KDM5D: variants seen among roughly 807,000 people sequenced by gnomAD.
KDM5D encodes lysine demethylase 5D, also known as lysine-specific demethylase 5D.
A neutral mutation model predicts 31.9 loss-of-function variants in KDM5D; 25 were observed. That is an observed-to-expected ratio of 0.78 (90% CI 0.57 to 1.09). The LOEUF (loss-of-function observed/expected upper bound fraction) is 1.09, where lower values mean the gene tolerates loss of function less well. KDM5D is among the 50% of genes least tolerant of loss of function. KDM5D has a pLI of 0.00. For synonymous variants in KDM5D, 146 were observed against 122.3 expected, an observed-to-expected ratio of 1.19 and a Z score of -1.28; for missense variants, 366 against 341.6, an observed-to-expected ratio of 1.07 and a Z score of -0.56.
chrY:19,719,225 A>G (rs757611663), intron 13 of KDM5D, among the ~76,000 whole-genome samples: 1 of 33,837 alleles, frequency 3.0e-5, no homozygotes, highest in East Asian at 7.7e-4. Flanking sequence ...AAGCTCTCAG[A>G]TAGCCCAGGC....
chrY:19,710,395 T>C lies in KDM5D; in HGVS notation c.2564A>G (p.His855Arg). ...CCTTACCTTGACATCCCCAATCTGA[T>C]GCATGGCACAGGGCAGGCTGCCCAT... ...EQMGSLPCAM[H>R]QIGDVKDVLE... is the part of the protein sequence containing the mutation. Residue 855 changes from histidine (H) to arginine (R), a missense_variant, in exon 19 of 27, where the codon CAT (histidine) becomes CGT (arginine). Coordinates refer to ENST00000317961, the MANE Select transcript of KDM5D (RefSeq NM_004653.5). 1 of 389,421 alleles carries C rather than the reference T, an allele frequency of 2.6e-6. No homozygotes were observed. Among genetic ancestry groups the C allele is most frequent in the South Asian group, 3.1e-5 (1 of 31,970 alleles).
chrY:19,720,127 T>C (rs1198124849), intron 13 of KDM5D, among the ~76,000 whole-genome samples: 1 of 32,548 alleles, frequency 3.1e-5, no homozygotes, highest in Admixed American at 2.8e-4. Flanking sequence ...AAAAAAAATA[T>C]AGTTAGTTCA....
intron 6 of KDM5D, among the ~76,000 whole-genome samples, chrY:19,737,718 A>C: frequency 3.0e-5 from 1 of 33,737 alleles, no homozygotes; most frequent in Non-Finnish European, 7.3e-5. Flanking sequence ...TAAAATAGAA[A>C]AGATGTGTTA....
intron 6 of KDM5D, among the ~76,000 whole-genome samples, chrY:19,738,646 T>C: frequency 2.9e-5 from 1 of 34,111 alleles, no homozygotes; most frequent in African/African-American, 1.1e-4. Flanking sequence ...TATGACAGAT[T>C]GTCCTCCCAG....
In KDM5D at chrY:19,744,394, G is replaced by C; in HGVS notation, c.141C>G (p.Arg47=). 3.6e-5 allele frequency: 14 copies of C among 389,596 alleles called. No homozygotes were observed. Among genetic ancestry groups the C allele is most frequent in the Non-Finnish European group, 5.0e-5 (14 of 278,304 alleles). Residue 47 remains arginine, a synonymous_variant, in exon 2 of 27, where the codon CGC becomes CGG. Coordinates refer to ENST00000317961, the MANE Select transcript of KDM5D (RefSeq NM_004653.5). ...IAEKSGICKI[R]PPADWQPPFA... ...TGTTTCAAAGACTTACCGCGGGTGG[G>C]CGGATTTTGCAGATGCCAGACTTCT...
Position 19,708,325 on chromosome Y carries a change from C to T in KDM5D, c.3180G>A (p.Leu1060=). 2.5e-6 allele frequency: 1 copy of T among 395,600 alleles called. No homozygotes were observed. Among genetic ancestry groups the T allele is most frequent in the East Asian group, 9.2e-5 (1 of 10,813 alleles). Residue 1060 remains leucine (L), a synonymous_variant, in exon 22 of 27, where the codon CTG becomes CTA. Transcript: ENST00000317961. ...VGLEELRQLE[L]QVLTAHSWRE... ...TCCAGGAATGTGCTGTCAATACCTG[C>T]AGCTCTAGCTGTCTCAGCTCTTCCA...
In KDM5D at chrY:19,706,190, C is replaced by T; in HGVS notation, c.4425G>A (p.Gln1475=). 2.5e-6 allele frequency: 1 copy of T among 392,301 alleles called. No homozygotes were observed. Among genetic ancestry groups the T allele is most frequent in the Non-Finnish European group, 3.6e-6 (1 of 281,094 alleles). ...KRARSSGIMS[Q]VGREEEHYQE... ...GATAATGTTCTTCTTCTCGGCCCAC[C>T]TGAGACATAATCCCTGAGCTCCGAG... is the stretch of plus-strand genomic sequence containing the variant. The change falls in exon 27 of 27, where the codon CAG becomes CAA. Residue 1475 remains glutamine (Q), a synonymous_variant. Coordinates refer to ENST00000317961, the MANE Select transcript of KDM5D (RefSeq NM_004653.5).
intron 11 of KDM5D, among the ~76,000 whole-genome samples, chrY:19,727,352 T>C (rs2045441941): frequency 3.0e-5 from 1 of 33,533 alleles, no homozygotes; most frequent in Non-Finnish European, 7.4e-5. Context: ...CTCCTAAGAG[T>C]TCTTATCTAT....
intron 20 of KDM5D, among the ~76,000 whole-genome samples, 175 bp from the exon 21 acceptor site, chrY:19,709,188 T>C: frequency 2.9e-5 from 1 of 33,935 alleles, no homozygotes; most frequent in Non-Finnish European, 7.3e-5. Context: ...TATAGATCTC[T>C]TGTAAGTCAC....
chrY:19,727,448 G>T, intron 11 of KDM5D, among the ~76,000 whole-genome samples: 1 of 33,240 alleles, frequency 3.0e-5, no homozygotes, highest in South Asian at 6.6e-4. Context: ...ATTTTTTATC[G>T]TCTTAAGGGA....
At chrY:19,737,118 A>G in intron 6 of KDM5D, among the ~76,000 whole-genome samples, 1 of 33,815 alleles carries the variant, frequency 3.0e-5, no homozygotes, top group African/African-American at 1.2e-4. Flanking sequence ...CCATCTCACC[A>G]TTACTGAATC....
intron 6 of KDM5D, among the ~76,000 whole-genome samples, chrY:19,737,624 AT>A (rs2045519392): frequency 6.0e-5 from 2 of 33,503 alleles, no homozygotes; most frequent in African/African-American, 1.2e-4. Context: ...AAGAGCTGGT[AT>A]TTGCTTGTTT....
intron 3 of KDM5D, among the ~76,000 whole-genome samples, 182 bp downstream of exon 3, chrY:19,742,980 T>C: frequency 2.9e-5 from 1 of 34,092 alleles, no homozygotes; most frequent in East Asian, 7.5e-4. Context: ...ACCATTTTTG[T>C]GGACATAAAT....
intron 11 of KDM5D, chrY:19,721,825 AT>A (rs2045397523): frequency 2.9e-5 from 1 of 34,463 alleles, no homozygotes; most frequent in Admixed American, 2.6e-4. Flanking sequence ...AGGTAAAAAA[AT>A]AACTACACTG....
In KDM5D at chrY:19,706,319, A is replaced by G; in HGVS notation, c.4296T>C (p.Ser1432=). The G allele has an allele frequency of 2.6e-6, 1 of 391,033 alleles. No individual in the cohort carries two copies. Among genetic ancestry groups the G allele is most frequent in the Non-Finnish European group, 3.6e-6 (1 of 279,890 alleles). ...TCTCCAGAGCCCGGCTCCTTGTCCGACTCCCTTGATGTTCAAATTTTTCCA... is the reference window on the plus strand; with the variant it reads ...TCTCCAGAGCCCGGCTCCTTGTCCGGCTCCCTTGATGTTCAAATTTTTCCA... ...LELEKFEHQG[S]RTRSRALERR... is the part of the protein sequence containing the mutation. The change falls in exon 27 of 27, where the codon AGT becomes AGC. Residue 1432 remains serine, a synonymous_variant. Coordinates refer to ENST00000317961, the MANE Select transcript of KDM5D (RefSeq NM_004653.5).
intron 5 of KDM5D, among the ~76,000 whole-genome samples, chrY:19,740,619 C>T (rs796816294): frequency 3.0e-5 from 1 of 33,755 alleles, no homozygotes; most frequent in East Asian, 7.7e-4. Flanking sequence ...CTGAGTTAAA[C>T]CCAAGTCACA....
At chrY:19,710,170 A>G in intron 19 of KDM5D, 1 of 367,103 alleles carries the variant, frequency 2.7e-6, no homozygotes, top group Non-Finnish European at 3.8e-6. Context: ...TAGAGTTTTT[A>G]ATTATTTCAG....
At position 19,704,744 on chromosome Y, in the gene KDM5D, C is replaced by T. The variant is rs2045217952; in HGVS notation, c.*1251G>A. The T allele has an allele frequency of 1.5e-4, 5 of 33,177 alleles. No homozygotes were observed. Among genetic ancestry groups the T allele is most frequent in the Admixed American group, 1.4e-3 (5 of 3,675 alleles). 8.3% of individuals were successfully genotyped at this position (33,177 alleles called of 400,897 possible). ...TATAATACAGTCTGTATTATTAGAT[C>T]ACCCAGAGACACACAAAACAAGAAC... is the stretch of plus-strand genomic sequence containing the variant. On this transcript the variant is annotated 3_prime_UTR_variant, in exon 27 of 27. Coordinates refer to ENST00000317961, the MANE Select transcript of KDM5D (RefSeq NM_004653.5).
rs759459018 is a variant in KDM5D, at chrY:19,709,090, T to C, written c.2943-77A>G. ...ATGCCCCTTTTCTAAGTCCTAGGTT[T>C]CCTTGCTAAAAACATAAGCAATAAA... On this transcript the variant is annotated intron_variant, in intron 20 of 26. Coordinates refer to ENST00000317961, the MANE Select transcript of KDM5D (RefSeq NM_004653.5). 1.9e-5 allele frequency: 5 copies of C among 264,403 alleles called. No individual in the cohort carries two copies. The South Asian group carries it at 2.0e-4, about 10-fold the overall frequency. The allele number at this position is 264,403 out of a possible 400,897, so 66.0% of individuals were successfully genotyped here.
Sources: allele counts gnomAD v4.1 joint callset (sites outside exome capture counted in the v4.1 genomes callset), GRCh38; gene constraint gnomAD v4.1.1; transcripts MANE v1.5; gene names NCBI Gene and HGNC (gene_info 2026-07-23, HGNC 2026-07-21).